The following GRM7 variants were observed in gnomAD, a reference collection of about 807,000 sequenced individuals.
The protein encoded by GRM7 is glutamate metabotropic receptor 7, also known as metabotropic glutamate receptor 7.
GRM7 carries 35 observed loss-of-function variants against 84.5 expected under a neutral mutation model. The ratio of observed to expected loss-of-function variants is 0.41; its 90% CI spans 0.32 to 0.55. The LOEUF (loss-of-function observed/expected upper bound fraction) is 0.55, where lower values mean the gene tolerates loss of function less well. Ranked by LOEUF, GRM7 falls within the 20% of genes least tolerant of loss-of-function variation. GRM7 has a pLI of 0.19. For missense variants in GRM7, 1,003 were observed against 1,194.6 expected (o/e 0.84, Z 2.36); for synonymous variants, 487 against 455.1 (o/e 1.07, Z -0.89).
intron 2 of GRM7, among the ~76,000 whole-genome samples, chr3:7,225,581 T>C (rs1014495897): frequency 6.7e-6 from 1 of 148,436 alleles, no homozygotes; most frequent in East Asian, 1.9e-4. Flanking sequence ...ATTAAAGAAA[T>C]TAATATATAC....
At chr3:7,732,468 G>C (rs1157103219) in intron 9 of GRM7, among the ~76,000 whole-genome samples, 1 of 152,160 alleles carries the variant, frequency 6.6e-6, no homozygotes, top group Non-Finnish European at 1.5e-5. Context: ...GGAGGGATAG[G>C]AAGGCCACTT....
intron 2 of GRM7, among the ~76,000 whole-genome samples, chr3:7,283,727 C>T (rs1258549576): frequency 6.6e-6 from 1 of 151,976 alleles, no homozygotes; most frequent in Non-Finnish European, 1.5e-5. Context: ...CCTACTTGAG[C>T]CAAATCATTG....
chr3:7,423,252 C>T (rs902866024), intron 5 of GRM7, among the ~76,000 whole-genome samples: 2 of 152,130 alleles, frequency 1.3e-5, no homozygotes, highest in African/African-American at 2.4e-5. Flanking sequence ...ACTTGAAATC[C>T]CGGGAGTATT....
chr3:6,913,639 C>T (rs548859956), intron 1 of GRM7, among the ~76,000 whole-genome samples: 7 of 152,270 alleles, frequency 4.6e-5, no homozygotes, highest in African/African-American at 1.7e-4. Context: ...TTATAATAAA[C>T]CTTTTGGTTT....
intron 2 of GRM7, among the ~76,000 whole-genome samples, chr3:7,194,908 G>T (rs1695830484): frequency 6.6e-6 from 1 of 152,248 alleles, no homozygotes; most frequent in African/African-American, 2.4e-5. Context: ...GGGATTCTAT[G>T]ATAGTCTATC....
intron 7 of GRM7, among the ~76,000 whole-genome samples, chr3:7,519,325 G>A (rs1232400075): frequency 6.6e-6 from 1 of 151,294 alleles, no homozygotes; most frequent in Non-Finnish European, 1.5e-5. Flanking sequence ...TAGCACCACT[G>A]CACTCCAGGC....
chr3:6,921,858 A>G (rs978189430), intron 1 of GRM7, among the ~76,000 whole-genome samples: 1 of 152,196 alleles, frequency 6.6e-6, no homozygotes, highest in African/African-American at 2.4e-5. Context: ...ACTAGAACAC[A>G]GGACAAGCCT....
At chr3:7,275,323 CT>C (rs2124984637) in intron 2 of GRM7, among the ~76,000 whole-genome samples, 1 of 152,214 alleles carries the variant, frequency 6.6e-6, no homozygotes, top group African/African-American at 2.4e-5. Flanking sequence ...GTGTTTTCTG[CT>C]TTTCAGTTTG....
intron 4 of GRM7, among the ~76,000 whole-genome samples, chr3:7,382,712 A>G (rs1230773712): frequency 2.6e-5 from 4 of 152,348 alleles, no homozygotes; most frequent in African/African-American, 9.6e-5. Context: ...GTGTTTATAT[A>G]TCTTGTTTAA....
intron 4 of GRM7, among the ~76,000 whole-genome samples, chr3:7,320,750 G>T (rs1438496031): frequency 1.4e-5 from 2 of 147,712 alleles, no homozygotes; most frequent in Non-Finnish European, 3.0e-5. Flanking sequence ...TAATGTTTTG[G>T]AAATGGATCC....
At chr3:6,975,243 TAAA>T (rs1176499770) in intron 1 of GRM7, among the ~76,000 whole-genome samples, 4 of 152,156 alleles carry the variant, frequency 2.6e-5, no homozygotes, top group Non-Finnish European at 4.4e-5. Context: ...AACTTGGGGT[TAAA>T]GAAGAAGCGA....
chr3:7,203,020 G>A (rs1191961110), intron 2 of GRM7, among the ~76,000 whole-genome samples: 1 of 152,192 alleles, frequency 6.6e-6, no homozygotes, highest in African/African-American at 2.4e-5. Flanking sequence ...TCAGGGTAGA[G>A]GAGGTATCCA....
chr3:7,454,103 C>G (rs76209325), intron 6 of GRM7, among the ~76,000 whole-genome samples: 6 of 150,674 alleles, frequency 4.0e-5, no homozygotes, highest in Non-Finnish European at 7.4e-5. Context: ...CTCTCTCTCT[C>G]TCTCTCTCTC....
chr3:7,291,286 TC>T, intron 2 of GRM7, among the ~76,000 whole-genome samples: 1 of 152,168 alleles, frequency 6.6e-6, no homozygotes. Context: ...TTTCATTTTC[TC>T]CCATATCAGA....
At chr3:6,962,702 T>C (rs1693348562) in intron 1 of GRM7, among the ~76,000 whole-genome samples, 1 of 152,174 alleles carries the variant, frequency 6.6e-6, no homozygotes, top group Non-Finnish European at 1.5e-5. Context: ...AAGAGTGGGA[T>C]TCAAACCCAG....
chr3:7,349,616 G>A (rs9866131), intron 4 of GRM7, among the ~76,000 whole-genome samples: 18 of 152,200 alleles, frequency 1.2e-4, no homozygotes, highest in East Asian at 7.7e-4. Flanking sequence ...ATGACTGGGC[G>A]CAGCCCCTGG....
At chr3:7,007,774 T>G (rs2124888281) in intron 1 of GRM7, among the ~76,000 whole-genome samples, 1 of 152,336 alleles carries the variant, frequency 6.6e-6, no homozygotes, top group South Asian at 2.1e-4. Context: ...AAGAAAACAC[T>G]AAATATGTGA....
intron 8 of GRM7, among the ~76,000 whole-genome samples, chr3:7,581,777 A>G (rs113614255): frequency 5.9e-5 from 9 of 152,340 alleles, no homozygotes; most frequent in African/African-American, 2.2e-4. Context: ...TTGAATTTAT[A>G]TTGAGTATGC....
intron 7 of GRM7, among the ~76,000 whole-genome samples, chr3:7,516,609 C>T (rs1280503161): frequency 6.6e-6 from 1 of 151,714 alleles, no homozygotes; most frequent in Non-Finnish European, 1.5e-5. Context: ...GCAGGGGAAG[C>T]CAGATCACTG....
Sources: gnomAD v4.1 joint callset for allele counts (sites outside exome capture counted in the v4.1 genomes callset) on GRCh38, gnomAD v4.1.1 for gene constraint, MANE v1.5 for transcripts, NCBI Gene and HGNC (gene_info 2026-07-23, HGNC 2026-07-21) for gene names.